NELL1: variants seen among roughly 807,000 people sequenced by gnomAD.
NELL1 encodes the protein neural EGFL like 1.
Under a neutral mutation model 107.4 loss-of-function variants are expected in NELL1, and 76 were observed. That is an observed-to-expected ratio of 0.71 (90% CI 0.59 to 0.86). The LOEUF is 0.86. Ranked by LOEUF, NELL1 falls within the 40% of genes least tolerant of loss-of-function variation. The probability of loss-of-function intolerance (pLI) is 0.00; values close to 1 mark genes in which losing one functional copy is unlikely to be tolerated. For missense variants in NELL1, 1,024 were observed against 1,005.5 expected, an observed-to-expected ratio of 1.02 and a Z score of -0.25; for synonymous variants, 353 against 341.2, an observed-to-expected ratio of 1.03 and a Z score of -0.38.
At chr11:21,012,930 G>A (rs910822774) in intron 12 of NELL1, among the ~76,000 whole-genome samples, 5 of 152,088 alleles carry the variant, frequency 3.3e-5, no homozygotes, top group African/African-American at 1.2e-4. Context: ...GTAATCCTGT[G>A]CCCTCTGGCT....
chr11:20,988,842 C>T lies in NELL1; in HGVS notation c.1300+28282C>T, dbSNP rs1435867651. Among the ~76,000 whole-genome samples, 4 of 152,046 alleles carry T rather than the reference C, an allele frequency of 2.6e-5. No homozygotes were observed. In the East Asian group the frequency reaches 7.7e-4, roughly 29 times the overall value. ...GACCTCGTGATCCGCCTTGCCTCAGCCTCCCAAAGTGCTGAGATTATAGGT... is the reference window on the plus strand; with the variant it reads ...GACCTCGTGATCCGCCTTGCCTCAGTCTCCCAAAGTGCTGAGATTATAGGT... On this transcript the variant is annotated intron_variant, in intron 12 of 19. Coordinates refer to ENST00000357134, the MANE Select transcript of NELL1 (RefSeq NM_006157.5).
intron 14 of NELL1, among the ~76,000 whole-genome samples, chr11:21,320,360 T>C (rs930824707): frequency 6.6e-5 from 10 of 152,224 alleles, no homozygotes; most frequent in Admixed American, 5.9e-4. Context: ...TTTAATCTTT[T>C]ATTAAAATAC....
At chr11:21,111,609 C>G (rs925964799) in intron 12 of NELL1, among the ~76,000 whole-genome samples, 1 of 152,006 alleles carries the variant, frequency 6.6e-6, no homozygotes, top group African/African-American at 2.4e-5. Flanking sequence ...GAAAGAGTCT[C>G]CATGTCTTTG....
At chr11:21,478,786 C>G (rs1238484064) in intron 15 of NELL1, among the ~76,000 whole-genome samples, 2 of 150,580 alleles carry the variant, frequency 1.3e-5, no homozygotes, top group Non-Finnish European at 2.9e-5. Flanking sequence ...TACAAACTAT[C>G]CATCTGACAA....
At chr11:21,550,059 A>G (rs572113950) in intron 16 of NELL1, among the ~76,000 whole-genome samples, 3 of 151,976 alleles carry the variant, frequency 2.0e-5, no homozygotes, top group African/African-American at 7.2e-5. Context: ...ACTCCTCCAC[A>G]GAGACTAGGA....
At position 20,748,630 on chromosome 11, in the gene NELL1, C is replaced by T. The variant is rs568010294; in HGVS notation, c.185-35050C>T. Among the ~76,000 whole-genome samples, 7 of 152,184 alleles carry T rather than the reference C, an allele frequency of 4.6e-5. No individual in the cohort carries two copies. In the South Asian group the frequency reaches 1.5e-3, roughly 32 times the overall value. Reference sequence around the variant, plus strand: ...ATGCCTTTGCATACCCATAGCTTATCTCTCACTTATAAGTAAGAACTCATG... The same window carrying T: ...ATGCCTTTGCATACCCATAGCTTATTTCTCACTTATAAGTAAGAACTCATG... On this transcript the variant is annotated intron_variant, in intron 2 of 19. Transcript: ENST00000357134.
At chr11:20,781,806 A>G (rs1210869149) in intron 2 of NELL1, among the ~76,000 whole-genome samples, 1 of 144,520 alleles carries the variant, frequency 6.9e-6, no homozygotes, top group African/African-American at 2.6e-5. Flanking sequence ...AGGTGGGTGG[A>G]TCCCCTGAGC....
chr11:21,055,864 C>T (rs1469158831), intron 12 of NELL1, among the ~76,000 whole-genome samples: 1 of 151,996 alleles, frequency 6.6e-6, no homozygotes, highest in Non-Finnish European at 1.5e-5. Context: ...TTTGGTTATT[C>T]AAATAATCCT....
chr11:20,971,422 G>A (rs960677342), intron 12 of NELL1, among the ~76,000 whole-genome samples: 1 of 152,088 alleles, frequency 6.6e-6, no homozygotes, highest in African/African-American at 2.4e-5. Flanking sequence ...AGCTTTAAAT[G>A]GAAATAGAAA....
At chr11:20,856,130 G>T (rs1210041785) in intron 4 of NELL1, among the ~76,000 whole-genome samples, 1 of 152,194 alleles carries the variant, frequency 6.6e-6, no homozygotes, top group Non-Finnish European at 1.5e-5. Flanking sequence ...AGGATGTGAG[G>T]ATGAAGAGGC....
rs772423816 is a variant in NELL1 at position 21,292,526 on chromosome 11, GC to G, written c.1549+63073del. ...GCCTAAAGTAATTTATAGATTCAAT[GC>G]TCTCCCCATAAAGCTACCATTGACT... is the stretch of plus-strand genomic sequence containing the variant. On this transcript the variant is annotated intron_variant, in intron 14 of 19. Coordinates refer to ENST00000357134, the MANE Select transcript of NELL1 (RefSeq NM_006157.5). Among the ~76,000 whole-genome samples, 163 of 152,220 alleles carry G rather than the reference GC, an allele frequency of 1.1e-3. 2 individuals are homozygous for G. Among genetic ancestry groups the G allele is most frequent in the Non-Finnish European group, 1.4e-3 (95 of 68,008 alleles).
At chr11:20,701,353 G>A (rs571580716) in intron 2 of NELL1, among the ~76,000 whole-genome samples, 1 of 152,040 alleles carries the variant, frequency 6.6e-6, no homozygotes, top group Non-Finnish European at 1.5e-5. Flanking sequence ...TTTTGATGGG[G>A]TTGTTTGATT....
intron 15 of NELL1, among the ~76,000 whole-genome samples, chr11:21,396,855 T>C (rs1029183515): frequency 2.6e-5 from 4 of 151,296 alleles, no homozygotes; most frequent in African/African-American, 9.7e-5. Flanking sequence ...AAAAAAAAAA[T>C]TGCAGCATGA....
Position 21,382,975 on chromosome 11 carries a change from C to T in NELL1, c.1645+12027C>T, listed in dbSNP as rs563795534. ...TAGCTTTCTGTGAAACCGTGAGCAA[C>T]TGGAGCCCAGAAGTTACAAACTTTC... On this transcript the variant is annotated intron_variant, in intron 15 of 19. Transcript: ENST00000357134. 5.3e-5 allele frequency among the ~76,000 whole-genome samples: 8 copies of T among 152,034 alleles called. 1 individual carries two copies. In the South Asian group the frequency reaches 1.2e-3, roughly 24 times the overall value.
chr11:21,337,751 T>TCTTGCTTG (rs1491410740), intron 14 of NELL1, among the ~76,000 whole-genome samples: 1 of 134,948 alleles, frequency 7.4e-6, no homozygotes, highest in African/African-American at 3.0e-5. Flanking sequence ...TTTCTTTCTT[T>TCTTGCTTG]CTTTCTTTCT....
chr11:20,921,187 C>T (rs1482901338), intron 7 of NELL1, among the ~76,000 whole-genome samples: 1 of 152,054 alleles, frequency 6.6e-6, no homozygotes, highest in African/African-American at 2.4e-5. Flanking sequence ...CCATTCTTAG[C>T]TTATAGGACA....
At chr11:21,128,796 C>A (rs1357121030) in intron 13 of NELL1, among the ~76,000 whole-genome samples, 1 of 152,148 alleles carries the variant, frequency 6.6e-6, no homozygotes, top group Non-Finnish European at 1.5e-5. Context: ...GGGAGGGAAT[C>A]AAGTCAAGAT....
intron 3 of NELL1, among the ~76,000 whole-genome samples, chr11:20,821,921 GCTGAGGGCCTCT>G (rs1462142327): frequency 1.3e-5 from 2 of 152,188 alleles, no homozygotes; most frequent in Admixed American, 1.3e-4. Flanking sequence ...AAAGAGATTA[GCTGAGGGCCTCT>G]CTCTAGTTCC....
chr11:21,228,690 T>TCCCC (rs1857957501), intron 13 of NELL1, among the ~76,000 whole-genome samples: 1 of 13,924 alleles, frequency 7.2e-5, no homozygotes, highest in African/African-American at 3.1e-4. Flanking sequence ...TCCCCTCCCC[T>TCCCC]CCCCTCTCCT....
Sources: allele counts gnomAD v4.1 joint callset (sites outside exome capture counted in the v4.1 genomes callset), GRCh38; gene constraint gnomAD v4.1.1; transcripts MANE v1.5; gene names NCBI Gene and HGNC (gene_info 2026-07-23, HGNC 2026-07-21).